Variants in TEX9 observed in about 807,000 individuals in gnomAD.
The protein encoded by TEX9 is testis expressed 9, also known as testis-expressed protein 9.
In TEX9, 74 loss-of-function variants were observed where a neutral mutation model predicts 59.6. That is an observed-to-expected ratio of 1.24 (90% CI 1.03 to 1.51). The LOEUF (loss-of-function observed/expected upper bound fraction) is 1.51. Ranked by LOEUF, TEX9 falls within the 40% of genes most tolerant of loss-of-function variation. The probability of loss-of-function intolerance (pLI) is 0.00; values close to 1 mark genes in which losing one functional copy is unlikely to be tolerated. For missense variants in TEX9, 522 were observed against 447.8 expected, an observed-to-expected ratio of 1.17 and a Z score of -1.49; for synonymous variants, 186 against 152.2, an observed-to-expected ratio of 1.22 and a Z score of -1.64.
chr15:56,440,115 A>G (rs1596259143), intron 12 of TEX9, among the ~76,000 whole-genome samples: 1 of 152,176 alleles, frequency 6.6e-6, no homozygotes, highest in South Asian at 2.1e-4. Flanking sequence ...ATGAAGAACT[A>G]TTTCATCAAA....
intron 9 of TEX9, chr15:56,395,149 G>A (rs1313187446): frequency 3.0e-6 from 1 of 334,654 alleles, no homozygotes; most frequent in Non-Finnish European, 5.3e-6. Context: ...ATCCCTTACA[G>A]CCCTAGGCAA....
chr15:56,401,317 A>AAAAAC (rs2048762867), intron 9 of TEX9, among the ~76,000 whole-genome samples: 2 of 149,020 alleles, frequency 1.3e-5, no homozygotes, highest in South Asian at 2.1e-4. Context: ...GCAAAAAAAA[A>AAAAAC]AAAAAAAAAA....
At chr15:56,402,153 G>A (rs1246381344) in intron 9 of TEX9, among the ~76,000 whole-genome samples, 1 of 152,132 alleles carries the variant, frequency 6.6e-6, no homozygotes, top group African/African-American at 2.4e-5. Context: ...GAAGGAGATA[G>A]AGACATGAAA....
intron 1 of TEX9, among the ~76,000 whole-genome samples, chr15:56,328,978 C>T (rs1283217997): frequency 1.3e-5 from 2 of 151,982 alleles, no homozygotes; most frequent in Non-Finnish European, 2.9e-5. Flanking sequence ...TGGGCGAGAT[C>T]GAGTGCTGTA....
chr15:56,365,516 C>T (rs1427984121), intron 1 of TEX9, 39 bp downstream of exon 1: 1 of 1,614,202 alleles, frequency 6.2e-7, no homozygotes, highest in African/African-American at 1.3e-5. Context: ...CGTCTGGGTT[C>T]CGGCGACTAG....
rs1040451000 is a variant in TEX9, at chr15:56,248,962, C to T, written c.-107+4684C>T. 5 of 152,220 alleles carry T rather than the reference C, an allele frequency of 3.3e-5. No individual in the cohort carries two copies. The East Asian group carries it at 5.8e-4, about 18-fold the overall frequency. 9.4% of individuals were successfully genotyped at this position (152,220 alleles called of 1,614,324 possible). A position where few individuals can be genotyped will look rare whatever the true frequency, so the allele number is the denominator to read the frequency against. On this transcript the variant is annotated intron_variant, in intron 1 of 5. Coordinates refer to the TEX9 transcript ENST00000560827. ...TCCTCCATTCCTTTCAAGGCACATT[C>T]GAGAACCTGCTATGTACAAGTTACT...
chr15:56,269,212 C>T (rs143985822), intron 1 of TEX9, among the ~76,000 whole-genome samples: 6,693 of 152,210 alleles, frequency 0.044, 227 homozygotes, highest in Admixed American at 0.086. Context: ...ATTCTTCTCT[C>T]TTTTCTTCTT....
At chr15:56,414,496 C>T (rs1239036649) in intron 10 of TEX9, among the ~76,000 whole-genome samples, 2 of 151,688 alleles carry the variant, frequency 1.3e-5, no homozygotes, top group Admixed American at 6.6e-5. Flanking sequence ...AAGCGGTATT[C>T]GGTTTTGTGT....
In TEX9 at chr15:56,426,626, T is replaced by TAC. The variant is rs1186314291; in HGVS notation, c.964-969_964-968dup. On this transcript the variant is annotated intron_variant, in intron 10 of 12. Coordinates refer to ENST00000352903, the Ensembl canonical transcript of TEX9. ...ATATATATATATATATATATATATATACACACACACAAACACACACACACA... is the reference window on the plus strand; with the variant it reads ...ATATATATATATATATATATATATATACACACACACACAAACACACACACACA... 6.1e-3 allele frequency among the ~76,000 whole-genome samples: 288 copies of TAC among 47,128 alleles called. 7 individuals are homozygous for TAC. Among genetic ancestry groups the TAC allele is most frequent in the African/African-American group, 9.8e-3 (184 of 18,818 alleles). The allele number at this position is 47,128 out of a possible 152,430, so 30.9% of individuals were successfully genotyped here. A position where few individuals can be genotyped will look rare whatever the true frequency, so the allele number is the denominator to read the frequency against.
At chr15:56,449,926 T>C (rs1802103372), downstream of TEX9, among the ~76,000 whole-genome samples, 1 of 152,230 alleles carries the variant, frequency 6.6e-6, no homozygotes, top group Non-Finnish European at 1.5e-5. Flanking sequence ...ACTGGTTATT[T>C]GTGCATTCTC....
chr15:56,246,483 A>G (rs1384683264), intron 1 of TEX9, among the ~76,000 whole-genome samples: 4 of 152,156 alleles, frequency 2.6e-5, no homozygotes, highest in African/African-American at 9.7e-5. Context: ...AAGAAATCTG[A>G]TGAAGTTACC....
rs763197031 is a variant in TEX9 at position 56,428,351 on chromosome 15, AT to A, written c.1099-6del. ...CTTAATACTAAATCAGACAATATTGATTTTTTTTTTAACAGATGCATATTGA... is the reference window on the plus strand; with the variant it reads ...CTTAATACTAAATCAGACAATATTGATTTTTTTTTAACAGATGCATATTGA... On this transcript the variant is annotated splice_polypyrimidine_tract_variant and intron_variant, in intron 11 of 12. Transcript: ENST00000352903. 2.8e-3 allele frequency: 3,951 copies of A among 1,433,396 alleles called. No individual in the cohort carries two copies. Among genetic ancestry groups the A allele is most frequent in the South Asian group, 3.0e-3 (241 of 79,312 alleles). The allele number at this position is 1,433,396 out of a possible 1,614,324, so 88.8% of individuals were successfully genotyped here.
chr15:56,300,271 CCTT>C (rs532682369), intron 1 of TEX9, among the ~76,000 whole-genome samples: 1 of 150,426 alleles, frequency 6.6e-6, no homozygotes, highest in Non-Finnish European at 1.5e-5. Flanking sequence ...AGGAGAGGCT[CCTT>C]CTACTTGAGG....
chr15:56,365,929 T>G, intron 2 of TEX9: 1 of 1,296,960 alleles, frequency 7.7e-7, no homozygotes, highest in African/African-American at 1.5e-5. Context: ...GTAGCCCAAG[T>G]AAACAGCAAG....
chr15:56,449,158 T>G (rs1326810575), downstream of TEX9, among the ~76,000 whole-genome samples: 2 of 152,186 alleles, frequency 1.3e-5, no homozygotes, highest in African/African-American at 4.8e-5. Context: ...CTTTGCTTTT[T>G]CTTGCCCTAT....
intron 1 of TEX9, among the ~76,000 whole-genome samples, chr15:56,330,955 G>C (rs542188361): frequency 6.6e-6 from 1 of 152,112 alleles, no homozygotes; most frequent in South Asian, 2.1e-4. Context: ...TGAAAATAAA[G>C]AAATGGAAAA....
chr15:56,356,036 T>C (rs2046677991), intron 1 of TEX9, among the ~76,000 whole-genome samples: 1 of 152,116 alleles, frequency 6.6e-6, no homozygotes, highest in African/African-American at 2.4e-5. Context: ...CTTTCATGAA[T>C]TTTTTGTAGT....
At chr15:56,272,003 G>A (rs1472114339) in intron 1 of TEX9, among the ~76,000 whole-genome samples, 1 of 152,014 alleles carries the variant, frequency 6.6e-6, no homozygotes, top group Admixed American at 6.5e-5. Flanking sequence ...AATTAGCTGG[G>A]CATGGGGGTG....
At chr15:56,383,464 C>T (rs1465987455) in intron 3 of TEX9, among the ~76,000 whole-genome samples, 1 of 152,068 alleles carries the variant, frequency 6.6e-6, no homozygotes, top group Non-Finnish European at 1.5e-5. Flanking sequence ...GCTTCTATTC[C>T]ACCCTCTTGC....
Sources: allele counts gnomAD v4.1 joint callset (sites outside exome capture counted in the v4.1 genomes callset), GRCh38; gene constraint gnomAD v4.1.1; transcripts MANE v1.5; gene names NCBI Gene and HGNC (gene_info 2026-07-23, HGNC 2026-07-21).